ARHGAP42: variants seen among roughly 807,000 people sequenced by gnomAD.
The protein encoded by ARHGAP42 is Rho GTPase activating protein 42.
In ARHGAP42, 63 loss-of-function variants were observed where a neutral mutation model predicts 125.0. The ratio of observed to expected loss-of-function variants is 0.50; its 90% CI spans 0.41 to 0.62. The LOEUF is 0.62. ARHGAP42 is among the 20% of genes least tolerant of loss of function. The pLI is 0.00. For missense variants in ARHGAP42, 766 were observed against 1,024.2 expected (o/e 0.75, Z 3.44); for synonymous variants, 339 against 351.0 (o/e 0.97, Z 0.38).
At chr11:100,923,324 A>G (rs929482086) in intron 6 of ARHGAP42, among the ~76,000 whole-genome samples, 12 of 152,174 alleles carry the variant, frequency 7.9e-5, no homozygotes, top group African/African-American at 2.7e-4. Context: ...GTTTTTCTGC[A>G]TATTCCTTCC....
intron 1 of ARHGAP42, among the ~76,000 whole-genome samples, chr11:100,690,415 A>G (rs920420515): frequency 6.6e-6 from 1 of 152,150 alleles, no homozygotes; most frequent in South Asian, 2.1e-4. Context: ...ACGCCTGACT[A>G]TTCCAATAAG....
At chr11:100,742,191 G>A (rs1439277577) in intron 1 of ARHGAP42, among the ~76,000 whole-genome samples, 2 of 152,212 alleles carry the variant, frequency 1.3e-5, no homozygotes, top group Admixed American at 1.3e-4. Context: ...ACTCCTGGAT[G>A]AGAGAGGGGG....
At chr11:100,867,986 A>G (rs1370324349) in intron 4 of ARHGAP42, among the ~76,000 whole-genome samples, 1 of 152,198 alleles carries the variant, frequency 6.6e-6, no homozygotes, top group Admixed American at 6.5e-5. Context: ...AGTATTTATC[A>G]ATTAAATTCA....
chr11:100,906,518 C>G (rs1215913982), intron 4 of ARHGAP42, among the ~76,000 whole-genome samples: 1 of 151,664 alleles, frequency 6.6e-6, no homozygotes, highest in East Asian at 1.9e-4. Context: ...GATGACATGC[C>G]TTTTGTTTAT....
chr11:100,854,903 A>C (rs550343489), intron 3 of ARHGAP42, among the ~76,000 whole-genome samples: 2 of 152,310 alleles, frequency 1.3e-5, no homozygotes, highest in Admixed American at 6.5e-5. Context: ...GATGTGATTC[A>C]GTTGCAAATA....
chr11:100,778,619 A>G (rs1863190479), intron 2 of ARHGAP42, among the ~76,000 whole-genome samples: 1 of 152,048 alleles, frequency 6.6e-6, no homozygotes, highest in Admixed American at 6.6e-5. Context: ...CCCACAATTA[A>G]TGATGGAAGC....
intron 17 of ARHGAP42, among the ~76,000 whole-genome samples, chr11:100,970,253 T>C (rs1252972175): frequency 6.6e-6 from 1 of 152,162 alleles, no homozygotes; most frequent in South Asian, 2.1e-4. Flanking sequence ...CCTCCAAAAG[T>C]GGTGGGATTA....
Position 100,687,678 on chromosome 11 carries a change from C to T in ARHGAP42, c.-1C>T. 1 of 1,502,260 alleles carries T rather than the reference C, an allele frequency of 6.7e-7. No individual in the cohort carries two copies. The highest frequency in any genetic ancestry group is 8.9e-7 in the Non-Finnish European group (1 of 1,120,884). The allele number at this position is 1,502,260 out of a possible 1,614,324, so 93.1% of individuals were successfully genotyped here. A position where few individuals can be genotyped will look rare whatever the true frequency, so the allele number is the denominator to read the frequency against. On this transcript the variant is annotated 5_prime_UTR_variant, in exon 1 of 24. Coordinates refer to ENST00000298815, the MANE Select transcript of ARHGAP42 (RefSeq NM_152432.4). The stretch of plus-strand genomic sequence containing the variant: ...CGGCCGCCGCTGGCAGCGCCTGTGC[C>T]ATGGGGCTGCCCACTCTGGAGTTCA...
At chr11:100,898,641 A>G (rs1866428953) in intron 4 of ARHGAP42, among the ~76,000 whole-genome samples, 1 of 151,992 alleles carries the variant, frequency 6.6e-6, no homozygotes, top group Non-Finnish European at 1.5e-5. Flanking sequence ...AGGTGTTTAT[A>G]GTATTCTCTG....
At chr11:100,896,354 A>G (rs1378233769) in intron 4 of ARHGAP42, among the ~76,000 whole-genome samples, 2 of 152,188 alleles carry the variant, frequency 1.3e-5, no homozygotes, top group African/African-American at 2.4e-5. Context: ...TTGGGTATAT[A>G]CCCAGTAATG....
At chr11:100,931,134 A>G (rs1439316714) in intron 6 of ARHGAP42, among the ~76,000 whole-genome samples, 1 of 152,194 alleles carries the variant, frequency 6.6e-6, no homozygotes, top group Admixed American at 6.6e-5. Flanking sequence ...CACAGTTTGT[A>G]TATATTGAAC....
chr11:100,895,194 G>A (rs1866320724), intron 4 of ARHGAP42, among the ~76,000 whole-genome samples: 1 of 152,176 alleles, frequency 6.6e-6, no homozygotes, highest in Admixed American at 6.6e-5. Flanking sequence ...TAGGACTGTT[G>A]ACAGTGTTTA....
intron 1 of ARHGAP42, among the ~76,000 whole-genome samples, chr11:100,711,290 T>G (rs147570053): frequency 6.6e-6 from 1 of 152,230 alleles, no homozygotes; most frequent in South Asian, 2.1e-4. Flanking sequence ...CAACTTTTTC[T>G]TCTTAGTCTC....
intron 22 of ARHGAP42, among the ~76,000 whole-genome samples, chr11:100,983,531 C>A (rs1406416271): frequency 6.6e-6 from 1 of 152,058 alleles, no homozygotes; most frequent in Non-Finnish European, 1.5e-5. Flanking sequence ...GGCAGGGATG[C>A]GGGGATGGTA....
At chr11:100,970,788 C>A (rs771243460) in intron 17 of ARHGAP42, among the ~76,000 whole-genome samples, 1 of 152,062 alleles carries the variant, frequency 6.6e-6, no homozygotes, top group Admixed American at 6.6e-5. Flanking sequence ...GATTTTGGCA[C>A]CAATATTCTT....
intron 3 of ARHGAP42, among the ~76,000 whole-genome samples, chr11:100,835,234 C>T (rs145046898): frequency 1.0e-3 from 152 of 152,194 alleles, no homozygotes; most frequent in Non-Finnish European, 1.4e-3. Flanking sequence ...TTTCAAGAGA[C>T]CTCCAGCATT....
intron 2 of ARHGAP42, among the ~76,000 whole-genome samples, chr11:100,787,020 G>A (rs1036511269): frequency 9.9e-5 from 15 of 152,054 alleles, no homozygotes; most frequent in Non-Finnish European, 1.8e-4. Flanking sequence ...GCTCACACCC[G>A]TAATCCCAGC....
intron 1 of ARHGAP42, among the ~76,000 whole-genome samples, chr11:100,760,562 G>A (rs1440716998): frequency 2.0e-5 from 3 of 152,020 alleles, no homozygotes; most frequent in Non-Finnish European, 2.9e-5. Context: ...TTAGCCGGGT[G>A]TGGTGGCGGG....
chr11:100,733,702 G>A (rs993174735), intron 1 of ARHGAP42, among the ~76,000 whole-genome samples: 1 of 151,582 alleles, frequency 6.6e-6, no homozygotes, highest in African/African-American at 2.4e-5. Flanking sequence ...GCACATGCCT[G>A]TGATCCCAGC....
Sources: allele counts gnomAD v4.1 joint callset (sites outside exome capture counted in the v4.1 genomes callset), GRCh38; gene constraint gnomAD v4.1.1; transcripts MANE v1.5; gene names NCBI Gene and HGNC (gene_info 2026-07-23, HGNC 2026-07-21).